Variants in PTPN9 observed in about 807,000 individuals in gnomAD.
PTPN9 encodes the protein tyrosine-protein phosphatase non-receptor type 9.
In PTPN9, 26 loss-of-function variants were observed where a neutral mutation model predicts 69.8. That is an observed-to-expected ratio of 0.37 (90% confidence interval 0.27 to 0.52). The LOEUF is 0.52. PTPN9 is among the 20% of genes least tolerant of loss of function. PTPN9 has a pLI of 0.91. For missense variants in PTPN9, 549 were observed against 740.3 expected (o/e 0.74, Z 3.00); for synonymous variants, 274 against 272.5 (o/e 1.01, Z -0.05).
intron 1 of PTPN9, among the ~76,000 whole-genome samples, chr15:75,558,191 G>C (rs1182175658): frequency 1.3e-5 from 2 of 152,204 alleles, no homozygotes; most frequent in Admixed American, 1.3e-4. Flanking sequence ...AGCTGGGCGT[G>C]GTTGCTTGCA....
intron 4 of PTPN9, among the ~76,000 whole-genome samples, chr15:75,521,580 T>G (rs1439934578): frequency 6.6e-6 from 1 of 152,018 alleles, no homozygotes; most frequent in Non-Finnish European, 1.5e-5. Flanking sequence ...ATGCAATGGC[T>G]TATGCTTGTA....
intron 1 of PTPN9, among the ~76,000 whole-genome samples, chr15:75,550,575 G>A (rs2075052985): frequency 6.6e-6 from 1 of 151,578 alleles, no homozygotes; most frequent in Non-Finnish European, 1.5e-5. Context: ...ATCATTTGAG[G>A]TCAGGAGTTC....
At chr15:75,494,285 GA>G (rs1156308523) in intron 7 of PTPN9, among the ~76,000 whole-genome samples, 1 of 151,898 alleles carries the variant, frequency 6.6e-6, no homozygotes, top group Non-Finnish European at 1.5e-5. Flanking sequence ...CAGATTAAAA[GA>G]ATCTATCAAG....
chr15:75,527,076 A>G, intron 2 of PTPN9, 42 bp downstream of exon 2: 2 of 1,611,702 alleles, frequency 1.2e-6, no homozygotes, highest in Non-Finnish European at 1.7e-6. Flanking sequence ...AGCAACACTT[A>G]ACCCAACTGC....
At chr15:75,560,530 T>A (rs935694760) in intron 1 of PTPN9, among the ~76,000 whole-genome samples, 1 of 152,150 alleles carries the variant, frequency 6.6e-6, no homozygotes, top group Non-Finnish European at 1.5e-5. Flanking sequence ...TCCTTCATGA[T>A]TCCAAGAAAA....
chr15:75,553,126 T>C (rs150225688), intron 1 of PTPN9, among the ~76,000 whole-genome samples: 388 of 152,192 alleles, frequency 2.5e-3, no homozygotes, highest in African/African-American at 9.1e-3. Flanking sequence ...AGGTAATATT[T>C]GTAAAATTCT....
chr15:75,548,205 G>A (rs900978436), intron 1 of PTPN9, among the ~76,000 whole-genome samples: 10 of 151,896 alleles, frequency 6.6e-5, no homozygotes, highest in African/African-American at 2.4e-4. Flanking sequence ...CTGTATTACA[G>A]TGCTTTCAAA....
At chr15:75,512,413 G>A (rs1595957686) in intron 5 of PTPN9, among the ~76,000 whole-genome samples, 1 of 152,162 alleles carries the variant, frequency 6.6e-6, no homozygotes, top group South Asian at 2.1e-4. Context: ...GACTGGTCCT[G>A]AACTCCTGGC....
chr15:75,570,726 G>A (rs1295006311), intron 1 of PTPN9, among the ~76,000 whole-genome samples: 4 of 151,632 alleles, frequency 2.6e-5, no homozygotes, highest in African/African-American at 9.7e-5. Flanking sequence ...AATGAGTTAT[G>A]ATCATGCCAC....
At chr15:75,494,367 G>T (rs2074728125) in intron 7 of PTPN9, among the ~76,000 whole-genome samples, 1 of 151,060 alleles carries the variant, frequency 6.6e-6, no homozygotes, top group Non-Finnish European at 1.5e-5. Context: ...TTTTTTGCAG[G>T]GGGTGGACAG....
chr15:75,574,423 G>A (rs556107164), intron 1 of PTPN9, among the ~76,000 whole-genome samples: 1 of 152,262 alleles, frequency 6.6e-6, no homozygotes, highest in African/African-American at 2.4e-5. Flanking sequence ...AATATGGATG[G>A]ACCAGGTGGG....
chr15:75,477,574 GA>G (rs1334467280), intron 9 of PTPN9, among the ~76,000 whole-genome samples: 20 of 152,200 alleles, frequency 1.3e-4, no homozygotes, highest in Non-Finnish European at 1.2e-4. Context: ...CAGCCTGGGC[GA>G]CAGAGCGAAA....
intron 8 of PTPN9, among the ~76,000 whole-genome samples, chr15:75,488,936 G>A (rs898133586): frequency 9.9e-5 from 15 of 152,264 alleles, no homozygotes; most frequent in Non-Finnish European, 1.5e-4. Context: ...AGCACTTTGG[G>A]AGGCCGAGAC....
intron 1 of PTPN9, among the ~76,000 whole-genome samples, chr15:75,566,071 G>C (rs1347212988): frequency 1.3e-5 from 2 of 151,828 alleles, no homozygotes; most frequent in Non-Finnish European, 2.9e-5. Flanking sequence ...TATTTATTGA[G>C]CATTTTGTAA....
intron 1 of PTPN9, among the ~76,000 whole-genome samples, chr15:75,557,187 G>A (rs1462434397): frequency 6.6e-6 from 1 of 152,158 alleles, no homozygotes; most frequent in African/African-American, 2.4e-5. Flanking sequence ...CACTTTGGGA[G>A]GTTGAAGTGG....
chr15:75,563,209 G>T (rs1429309998), intron 1 of PTPN9, among the ~76,000 whole-genome samples: 4 of 151,886 alleles, frequency 2.6e-5, no homozygotes, highest in Admixed American at 2.6e-4. Context: ...TTCTTTTTGA[G>T]ATGGAGTCTC....
intron 8 of PTPN9, among the ~76,000 whole-genome samples, chr15:75,489,615 C>T (rs1567476858): frequency 6.6e-6 from 1 of 151,650 alleles, no homozygotes; most frequent in Non-Finnish European, 1.5e-5. Context: ...TCAAATGTGA[C>T]AAAGACACTA....
intron 4 of PTPN9, among the ~76,000 whole-genome samples, chr15:75,520,640 G>A (rs1054275886): frequency 2.0e-5 from 3 of 151,624 alleles, no homozygotes; most frequent in Admixed American, 6.6e-5. Context: ...TCAGCCTCTC[G>A]AGTAGCTAGG....
At chr15:75,563,572 T>C (rs2075113859) in intron 1 of PTPN9, among the ~76,000 whole-genome samples, 1 of 152,236 alleles carries the variant, frequency 6.6e-6, no homozygotes, top group African/African-American at 2.4e-5. Context: ...ATGATCTTTT[T>C]TATGGCTCGG....
Sources: gnomAD v4.1 joint callset for allele counts (sites outside exome capture counted in the v4.1 genomes callset) on GRCh38, gnomAD v4.1.1 for gene constraint, MANE v1.5 for transcripts, NCBI Gene and HGNC (gene_info 2026-07-23, HGNC 2026-07-21) for gene names.